Variants in TRPM3 observed in about 807,000 individuals in gnomAD.
The protein encoded by TRPM3 is transient receptor potential cation channel subfamily M member 3, also known as long transient receptor potential channel 3.
Under a neutral mutation model 181.2 loss-of-function variants are expected in TRPM3, and 77 were observed. That is an observed-to-expected ratio of 0.42 (90% CI 0.35 to 0.51). The LOEUF (loss-of-function observed/expected upper bound fraction) is 0.51, where lower values mean the gene tolerates loss of function less well. Among genes scored for constraint, TRPM3 ranks in the 20% least tolerant of loss-of-function variants. The probability of loss-of-function intolerance (pLI) is 0.01; values close to 1 mark genes in which losing one functional copy is unlikely to be tolerated. For synonymous variants in TRPM3, 745 were observed against 796.4 expected (o/e 0.94, Z 1.09); for missense variants, 1,759 against 2,196.7 (o/e 0.80, Z 3.98).
intron 8 of TRPM3, among the ~76,000 whole-genome samples, chr9:70,690,480 G>A (rs1196269899): frequency 6.6e-6 from 1 of 152,026 alleles, no homozygotes; most frequent in Non-Finnish European, 1.5e-5. Flanking sequence ...TAGAAGCAGG[G>A]AAACAGGAAG....
intron 1 of TRPM3, among the ~76,000 whole-genome samples, chr9:71,096,283 T>C (rs1368854010): frequency 1.3e-5 from 2 of 148,564 alleles, no homozygotes; most frequent in Non-Finnish European, 3.0e-5. Flanking sequence ...TTTTGATATC[T>C]AGTTGCCTTT....
intron 1 of TRPM3, among the ~76,000 whole-genome samples, chr9:71,247,545 A>G (rs575887474): frequency 6.6e-6 from 1 of 152,084 alleles, no homozygotes; most frequent in South Asian, 2.1e-4. Flanking sequence ...AATAAAAAAT[A>G]CCAGGGGGGA....
chr9:70,933,306 T>C (rs1461768523), intron 1 of TRPM3, among the ~76,000 whole-genome samples: 1 of 152,112 alleles, frequency 6.6e-6, no homozygotes, highest in Non-Finnish European at 1.5e-5. Context: ...TTGGTGGGTA[T>C]AGATGTGATT....
chr9:71,099,518 A>G (rs1432615744), intron 1 of TRPM3, among the ~76,000 whole-genome samples: 1 of 152,130 alleles, frequency 6.6e-6, no homozygotes, highest in Non-Finnish European at 1.5e-5. Flanking sequence ...CAGGGTAGGT[A>G]CAATGTTATA....
At chr9:71,226,671 T>G (rs773781982) in intron 1 of TRPM3, among the ~76,000 whole-genome samples, 1 of 152,070 alleles carries the variant, frequency 6.6e-6, no homozygotes, top group Non-Finnish European at 1.5e-5. Context: ...CAGATATATA[T>G]ATACACACAC....
At chr9:71,140,528 G>C (rs549193214) in intron 1 of TRPM3, among the ~76,000 whole-genome samples, 17 of 152,122 alleles carry the variant, frequency 1.1e-4, no homozygotes, top group Admixed American at 9.8e-4. Flanking sequence ...CCCCAAGTTT[G>C]GTCATTTATC....
chr9:70,963,398 T>C (rs897658885), intron 1 of TRPM3, among the ~76,000 whole-genome samples: 3 of 152,152 alleles, frequency 2.0e-5, no homozygotes, highest in East Asian at 1.9e-4. Context: ...CATACAAATA[T>C]AGTTTTTAAA....
intron 21 of TRPM3, among the ~76,000 whole-genome samples, chr9:70,597,657 C>A (rs1564490271): frequency 6.6e-6 from 1 of 152,200 alleles, no homozygotes; most frequent in Non-Finnish European, 1.5e-5. Flanking sequence ...ACTATTGGAA[C>A]AAGTCCTTGG....
intron 22 of TRPM3, among the ~76,000 whole-genome samples, chr9:70,572,040 C>T (rs59300564): frequency 0.021 from 3,252 of 151,994 alleles, 121 homozygotes; most frequent in African/African-American, 0.074. Context: ...GGTTCCCGGA[C>T]GTCTTTGTCT....
chr9:70,535,563 A>G lies in TRPM3; in HGVS notation c.*390T>C. 1 of 1,532,786 alleles carries G rather than the reference A, an allele frequency of 6.5e-7. No individual in the cohort carries two copies. Among genetic ancestry groups the G allele is most frequent in the Non-Finnish European group, 8.8e-7 (1 of 1,141,712 alleles). The allele number at this position is 1,532,786 out of a possible 1,614,324, so 94.9% of individuals were successfully genotyped here. A position where few individuals can be genotyped will look rare whatever the true frequency, so the allele number is the denominator to read the frequency against. Reference sequence around the variant, plus strand: ...ATTTTATTTTGCAATTTAGCCCTGCATCCTACAACTCTTGATAATGGTCAG... The same window carrying G: ...ATTTTATTTTGCAATTTAGCCCTGCGTCCTACAACTCTTGATAATGGTCAG... On this transcript the variant is annotated 3_prime_UTR_variant, in exon 26 of 26. Transcript: ENST00000677713.
chr9:70,862,173 A>G (rs1272252910), intron 3 of TRPM3, among the ~76,000 whole-genome samples: 2 of 152,100 alleles, frequency 1.3e-5, no homozygotes, highest in Admixed American at 6.6e-5. Flanking sequence ...CTCTCTTATA[A>G]CAGTTAGAAG....
chr9:71,079,917 T>A (rs946660777), intron 1 of TRPM3, among the ~76,000 whole-genome samples: 1 of 152,164 alleles, frequency 6.6e-6, no homozygotes, highest in African/African-American at 2.4e-5. Flanking sequence ...ACGCCTGTAA[T>A]CCCAGGACTT....
chr9:71,087,308 A>G (rs180905976), intron 1 of TRPM3, among the ~76,000 whole-genome samples: 51 of 152,096 alleles, frequency 3.4e-4, no homozygotes, highest in African/African-American at 8.9e-4. Context: ...TTATGCTTAT[A>G]CTGTGCTTAT....
At chr9:71,356,822 G>A (rs2091916613) in intron 1 of TRPM3, among the ~76,000 whole-genome samples, 2 of 152,112 alleles carry the variant, frequency 1.3e-5, no homozygotes, top group Admixed American at 1.3e-4. Flanking sequence ...CAGAGAGAGA[G>A]ATCAGTGAGA....
chr9:70,577,450 A>C (rs17537192), intron 22 of TRPM3, among the ~76,000 whole-genome samples: 39,209 of 152,158 alleles, frequency 0.26, 5,494 homozygotes, highest in Admixed American at 0.32. Flanking sequence ...GATCACTAGT[A>C]AATCAGCACT....
chr9:71,223,115 TC>T (rs1373951897), intron 1 of TRPM3, among the ~76,000 whole-genome samples: 3 of 151,800 alleles, frequency 2.0e-5, no homozygotes, highest in South Asian at 2.1e-4. Context: ...GTTCCACTCC[TC>T]CCCCCAAACC....
chr9:70,821,358 T>C (rs1223492537), intron 6 of TRPM3, among the ~76,000 whole-genome samples: 1 of 152,184 alleles, frequency 6.6e-6, no homozygotes, highest in East Asian at 1.9e-4. Flanking sequence ...CTGATAAATA[T>C]AGAGGCTGGA....
intron 1 of TRPM3, among the ~76,000 whole-genome samples, chr9:71,437,100 A>T (rs1057439089): frequency 1.6e-4 from 25 of 152,236 alleles, no homozygotes; most frequent in African/African-American, 6.0e-4. Context: ...ATGCCATCAC[A>T]CAGCTCCTAT....
chr9:70,541,095 G>A (rs1315623083), intron 25 of TRPM3, among the ~76,000 whole-genome samples: 1 of 152,166 alleles, frequency 6.6e-6, no homozygotes, highest in Non-Finnish European at 1.5e-5. Flanking sequence ...GTGAGTAGTA[G>A]CCCAAGGAGA....
Sources: gnomAD v4.1 joint callset for allele counts (sites outside exome capture counted in the v4.1 genomes callset) on GRCh38, gnomAD v4.1.1 for gene constraint, MANE v1.5 for transcripts, NCBI Gene and HGNC (gene_info 2026-07-23, HGNC 2026-07-21) for gene names.